Variants in NRG3 observed in about 807,000 individuals in gnomAD.
The protein encoded by NRG3 is neuregulin 3.
A neutral mutation model predicts 66.9 loss-of-function variants in NRG3; 31 were observed. That is an observed-to-expected ratio of 0.46 (90% confidence interval 0.35 to 0.63). NRG3 has a LOEUF of 0.63. NRG3 is among the 20% of genes least tolerant of loss of function. The probability of loss-of-function intolerance (pLI) is 0.00; values close to 1 mark genes in which losing one functional copy is unlikely to be tolerated. For missense variants in NRG3, 910 were observed against 878.9 expected (o/e 1.04, Z -0.45); for synonymous variants, 393 against 359.4 (o/e 1.09, Z -1.06).
intron 2 of NRG3, among the ~76,000 whole-genome samples, chr10:82,711,035 T>C (rs10885241): frequency 0.22 from 33,807 of 152,032 alleles, 4,003 homozygotes; most frequent in Middle Eastern, 0.35. Flanking sequence ...GTCTCCCAAG[T>C]TGGTGGGATT....
At chr10:82,796,721 T>C (rs894403155) in intron 3 of NRG3, among the ~76,000 whole-genome samples, 95 of 152,152 alleles carry the variant, frequency 6.2e-4, no homozygotes, top group African/African-American at 2.0e-3. Context: ...TAGAAAACTA[T>C]CCTGACCCTT....
intron 4 of NRG3, among the ~76,000 whole-genome samples, chr10:82,950,896 C>A (rs1849460397): frequency 6.6e-6 from 1 of 152,294 alleles, no homozygotes; most frequent in African/African-American, 2.4e-5. Flanking sequence ...AGGCTGAGTT[C>A]TACTGTGCCA....
chr10:82,615,804 G>A (rs1285319704), intron 2 of NRG3, among the ~76,000 whole-genome samples: 1 of 152,150 alleles, frequency 6.6e-6, no homozygotes, highest in Non-Finnish European at 1.5e-5. Context: ...TTTGGAGAGG[G>A]AGATGGGAAA....
At position 81,979,219 on chromosome 10, in the gene NRG3, G is replaced by C. The variant is rs796146982; in HGVS notation, c.823+103056G>C. 5.6e-4 allele frequency among the ~76,000 whole-genome samples: 84 copies of C among 149,718 alleles called. 1 individual carries two copies. Among genetic ancestry groups the C allele is most frequent in the African/African-American group, 2.0e-3 (81 of 40,696 alleles). On this transcript the variant is annotated intron_variant, in intron 1 of 8. Coordinates refer to ENST00000372141, the MANE Select transcript of NRG3 (RefSeq NM_001010848.4). The stretch of plus-strand genomic sequence containing the variant: ...AAAAAAAAAAAAAAAAAAATTTCCT[G>C]TCTGTCTGAATTCAGGAACCCCAGG...
At chr10:82,504,061 T>C (rs1475442459) in intron 2 of NRG3, among the ~76,000 whole-genome samples, 2 of 152,356 alleles carry the variant, frequency 1.3e-5, no homozygotes, top group East Asian at 1.9e-4. Flanking sequence ...CTGACACTTA[T>C]TAATGTTAGG....
chr10:82,938,287 G>C (rs1047348227), intron 4 of NRG3, among the ~76,000 whole-genome samples: 2 of 152,200 alleles, frequency 1.3e-5, no homozygotes, highest in Non-Finnish European at 2.9e-5. Flanking sequence ...CACAGATCTA[G>C]CTTCCTAGTG....
intron 1 of NRG3, among the ~76,000 whole-genome samples, chr10:82,184,851 G>C (rs1195668324): frequency 1.3e-5 from 2 of 152,098 alleles, no homozygotes; most frequent in Admixed American, 6.6e-5. Flanking sequence ...AAATCAACAA[G>C]GTCTGGATGA....
At chr10:82,044,627 C>T (rs2133051758) in intron 1 of NRG3, among the ~76,000 whole-genome samples, 1 of 151,864 alleles carries the variant, frequency 6.6e-6, no homozygotes, top group East Asian at 1.9e-4. Context: ...GCACAATGTG[C>T]AGGTTAGTTA....
intron 1 of NRG3, among the ~76,000 whole-genome samples, chr10:81,922,662 G>A (rs10883910): frequency 0.11 from 16,272 of 151,964 alleles, 1,306 homozygotes; most frequent in African/African-American, 0.22. Flanking sequence ...CCTGTCTTTC[G>A]GGGGGTCAGG....
intron 2 of NRG3, among the ~76,000 whole-genome samples, chr10:82,667,576 C>T (rs4073988): frequency 0.074 from 11,165 of 151,824 alleles, 1,048 homozygotes; most frequent in African/African-American, 0.23. Context: ...GAGATAATGA[C>T]GAAAGGAGAG....
intron 2 of NRG3, among the ~76,000 whole-genome samples, chr10:82,507,559 G>C (rs1844800073): frequency 6.6e-6 from 1 of 152,116 alleles, no homozygotes; most frequent in South Asian, 2.1e-4. Flanking sequence ...TGTGTCTGTG[G>C]ATGCCACATC....
At chr10:82,024,887 C>T (rs559989088) in intron 1 of NRG3, among the ~76,000 whole-genome samples, 1 of 152,234 alleles carries the variant, frequency 6.6e-6, no homozygotes, top group East Asian at 1.9e-4. Context: ...CCTCATTCCA[C>T]ATCATAATTT....
intron 4 of NRG3, among the ~76,000 whole-genome samples, chr10:82,899,941 T>A (rs1844048190): frequency 6.6e-6 from 1 of 152,212 alleles, no homozygotes; most frequent in African/African-American, 2.4e-5. Context: ...AAGAAACACC[T>A]GAGACTTCGT....
chr10:82,003,515 G>C (rs889007566), intron 1 of NRG3, among the ~76,000 whole-genome samples: 1 of 152,164 alleles, frequency 6.6e-6, no homozygotes, highest in Non-Finnish European at 1.5e-5. Flanking sequence ...GGAGTGAACC[G>C]TGAGGTTGCT....
chr10:82,928,752 T>A (rs1847266116), intron 4 of NRG3, among the ~76,000 whole-genome samples: 1 of 152,080 alleles, frequency 6.6e-6, no homozygotes, highest in Non-Finnish European at 1.5e-5. Flanking sequence ...TGTACTCCAA[T>A]AAAACTTTAT....
chr10:82,128,477 T>A (rs1233188646), intron 1 of NRG3, among the ~76,000 whole-genome samples: 2 of 152,088 alleles, frequency 1.3e-5, no homozygotes, highest in Non-Finnish European at 2.9e-5. Context: ...GTGCCTCCTG[T>A]ACTCCAGAGA....
At chr10:82,446,628 C>T (rs72829314) in intron 2 of NRG3, among the ~76,000 whole-genome samples, 1 of 152,068 alleles carries the variant, frequency 6.6e-6, no homozygotes, top group South Asian at 2.1e-4. Context: ...CAGACTGGAT[C>T]CTGTCACGGG....
At chr10:82,647,403 A>G (rs959207691) in intron 2 of NRG3, among the ~76,000 whole-genome samples, 87 of 152,192 alleles carry the variant, frequency 5.7e-4, no homozygotes, top group Non-Finnish European at 1.0e-3. Context: ...CCAGTCTATC[A>G]TTGTTGGACA....
chr10:82,521,103 A>G (rs1846134317), intron 2 of NRG3, among the ~76,000 whole-genome samples: 1 of 152,094 alleles, frequency 6.6e-6, no homozygotes, highest in South Asian at 2.1e-4. Flanking sequence ...AGAAAGTCAC[A>G]CTCTTTTGAT....
Sources: allele counts gnomAD v4.1 joint callset (sites outside exome capture counted in the v4.1 genomes callset), GRCh38; gene constraint gnomAD v4.1.1; transcripts MANE v1.5; gene names NCBI Gene and HGNC (gene_info 2026-07-23, HGNC 2026-07-21).